ITGBL1: variants seen among roughly 807,000 people sequenced by gnomAD.
ITGBL1 encodes integrin subunit beta like 1.
ITGBL1 carries 51 observed loss-of-function variants against 68.5 expected under a neutral mutation model. The observed-to-expected ratio is 0.74, with a 90% CI of 0.59 to 0.94. The LOEUF (loss-of-function observed/expected upper bound fraction) is 0.94, where lower values mean the gene tolerates loss of function less well. Ranked by LOEUF, ITGBL1 falls within the 40% of genes least tolerant of loss-of-function variation. The pLI, the probability that ITGBL1 is intolerant of heterozygous loss-of-function variation, is 0.00. For synonymous variants in ITGBL1, 209 were observed against 227.3 expected, an observed-to-expected ratio of 0.92 and a Z score of 0.72; for missense variants, 649 against 647.4, an observed-to-expected ratio of 1.00 and a Z score of -0.03.
At chr13:101,606,084 TATATATATATATATG>T (rs2030830439) in intron 7 of ITGBL1, among the ~76,000 whole-genome samples, 1 of 800 alleles carries the variant, frequency 1.3e-3, no homozygotes, top group African/African-American at 4.2e-3. Context: ...ATATATATGC[TATATATATATATATG>T]CTCTCTCTCT....
chr13:101,609,916 A>G (rs2031043900), intron 7 of ITGBL1, among the ~76,000 whole-genome samples: 1 of 152,170 alleles, frequency 6.6e-6, no homozygotes, highest in Non-Finnish European at 1.5e-5. Context: ...ATAAATAGAC[A>G]AGTTTCATTA....
intron 2 of ITGBL1, among the ~76,000 whole-genome samples, chr13:101,539,806 T>C (rs981124775): frequency 2.6e-4 from 39 of 152,088 alleles, no homozygotes; most frequent in Admixed American, 2.2e-3. Flanking sequence ...TGGCCAGTGA[T>C]GATGAGCATT....
chr13:101,545,843 A>C (rs2049812409), intron 2 of ITGBL1, among the ~76,000 whole-genome samples: 1 of 152,198 alleles, frequency 6.6e-6, no homozygotes, highest in Admixed American at 6.5e-5. Context: ...GTATGTTCAG[A>C]TTGGTTACTC....
chr13:101,539,025 C>T (rs2049632648), intron 2 of ITGBL1, among the ~76,000 whole-genome samples: 1 of 131,802 alleles, frequency 7.6e-6, no homozygotes, highest in South Asian at 2.7e-4. Context: ...GAGTGTGTGA[C>T]TTTGAGATTT....
chr13:101,605,786 G>T (rs1414285699), intron 7 of ITGBL1, among the ~76,000 whole-genome samples: 1 of 2,356 alleles, frequency 4.2e-4, no homozygotes, highest in African/African-American at 5.0e-4. Context: ...GCATATGTAT[G>T]TGCGTATATG....
At chr13:101,613,365 T>A (rs1443762287) in intron 7 of ITGBL1, among the ~76,000 whole-genome samples, 2 of 152,204 alleles carry the variant, frequency 1.3e-5, no homozygotes, top group African/African-American at 4.8e-5. Context: ...CCAGAACCAC[T>A]CTCAGTGCTG....
intron 7 of ITGBL1, among the ~76,000 whole-genome samples, chr13:101,629,174 T>G (rs1346202802): frequency 6.6e-6 from 1 of 152,198 alleles, no homozygotes; most frequent in Non-Finnish European, 1.5e-5. Context: ...CATTTTATTC[T>G]TCTTCATTCC....
intron 7 of ITGBL1, among the ~76,000 whole-genome samples, chr13:101,612,398 A>T (rs1327274258): frequency 6.6e-6 from 1 of 152,186 alleles, no homozygotes; most frequent in African/African-American, 2.4e-5. Context: ...GTTAAAAGGA[A>T]TGTGAAAAAC....
intron 7 of ITGBL1, among the ~76,000 whole-genome samples, chr13:101,670,387 CT>C (rs1362461058): frequency 6.6e-6 from 1 of 152,110 alleles, no homozygotes; most frequent in Non-Finnish European, 1.5e-5. Context: ...TTTCTTAAAC[CT>C]TTTGATGATG....
intron 7 of ITGBL1, among the ~76,000 whole-genome samples, chr13:101,629,655 T>G (rs7982014): frequency 2.6e-5 from 4 of 151,810 alleles, no homozygotes; most frequent in Non-Finnish European, 5.9e-5. Flanking sequence ...TAAATAAAAT[T>G]TTAACTATTT....
In ITGBL1 at chr13:101,646,285, G is replaced by GTGT. The variant is rs1213385641; in HGVS notation, c.1016-46299_1016-46297dup. On this transcript the variant is annotated intron_variant, in intron 7 of 10. Coordinates refer to ENST00000376180, the MANE Select transcript of ITGBL1 (RefSeq NM_004791.3). The stretch of plus-strand genomic sequence containing the variant: ...GGTGTTTCCTTTTGAGAGCCACCAG[G>GTGT]TGTAATTATTTTACCTTGTTGTATT... Among the ~76,000 whole-genome samples the GTGT allele has an allele frequency of 8.8e-4, 134 of 151,696 alleles. 1 individual carries two copies. Among genetic ancestry groups the GTGT allele is most frequent in the Non-Finnish European group, 1.2e-3 (81 of 68,016 alleles).
intron 2 of ITGBL1, among the ~76,000 whole-genome samples, chr13:101,495,731 T>C (rs1015124103): frequency 1.3e-5 from 2 of 151,188 alleles, no homozygotes; most frequent in Non-Finnish European, 2.9e-5. Context: ...TAAGGGGGGG[T>C]CTTTAGTTGG....
At chr13:101,550,590 G>A (rs868248711) in intron 2 of ITGBL1, among the ~76,000 whole-genome samples, 2 of 152,154 alleles carry the variant, frequency 1.3e-5, no homozygotes, top group East Asian at 1.9e-4. Flanking sequence ...TAATTTGTTA[G>A]TTTGAAAGTA....
intron 7 of ITGBL1, among the ~76,000 whole-genome samples, chr13:101,645,967 A>C (rs1413883441): frequency 6.6e-6 from 1 of 152,218 alleles, no homozygotes; most frequent in Non-Finnish European, 1.5e-5. Flanking sequence ...CTTCAGAAAC[A>C]GTCTCCAGTT....
intron 2 of ITGBL1, among the ~76,000 whole-genome samples, chr13:101,512,675 G>A (rs1210957675): frequency 6.6e-6 from 1 of 152,066 alleles, no homozygotes; most frequent in Non-Finnish European, 1.5e-5. Context: ...GTGCTGCAAG[G>A]AAATGTAGTT....
At chr13:101,602,945 A>G (rs1411200149) in intron 7 of ITGBL1, among the ~76,000 whole-genome samples, 1 of 151,934 alleles carries the variant, frequency 6.6e-6, no homozygotes, top group Non-Finnish European at 1.5e-5. Context: ...TGTTGTATGG[A>G]TACACCACCG....
chr13:101,704,271 A>T (rs892147461), intron 8 of ITGBL1, among the ~76,000 whole-genome samples: 1 of 151,900 alleles, frequency 6.6e-6, no homozygotes, highest in African/African-American at 2.4e-5. Flanking sequence ...GTAGCTCTGG[A>T]GGTATTAAGT....
At chr13:101,460,469 A>G (rs1336659966) in intron 2 of ITGBL1, among the ~76,000 whole-genome samples, 2 of 152,168 alleles carry the variant, frequency 1.3e-5, no homozygotes, top group Non-Finnish European at 2.9e-5. Context: ...ATAAATGCAT[A>G]TTGTCTTAGC....
intron 2 of ITGBL1, among the ~76,000 whole-genome samples, chr13:101,457,935 ATAATG>A (rs1284807657): frequency 6.6e-6 from 1 of 152,256 alleles, no homozygotes; most frequent in East Asian, 1.9e-4. Flanking sequence ...TGACACTTAA[ATAATG>A]TATTGTTTTC....
Sources: gnomAD v4.1 joint callset for allele counts (sites outside exome capture counted in the v4.1 genomes callset) on GRCh38, gnomAD v4.1.1 for gene constraint, MANE v1.5 for transcripts, NCBI Gene and HGNC (gene_info 2026-07-23, HGNC 2026-07-21) for gene names.